HEATR5A: variants seen among roughly 807,000 people sequenced by gnomAD.
HEATR5A encodes HEAT repeat-containing protein 5A.
A neutral mutation model predicts 218.8 loss-of-function variants in HEATR5A; 178 were observed. The ratio of observed to expected loss-of-function variants is 0.81; its 90% CI spans 0.72 to 0.92. The LOEUF is 0.92. HEATR5A is among the 40% of genes least tolerant of loss of function. The pLI is 0.00. For missense variants in HEATR5A, 2,420 were observed against 2,418.9 expected, an observed-to-expected ratio of 1.00 and a Z score of -0.01; for synonymous variants, 864 against 871.6, an observed-to-expected ratio of 0.99 and a Z score of 0.15.
chr14:31,353,839 G>A (rs1266927771), intron 16 of HEATR5A, among the ~76,000 whole-genome samples: 1 of 151,266 alleles, frequency 6.6e-6, no homozygotes, highest in Non-Finnish European at 1.5e-5. Flanking sequence ...TCGCTCTGTC[G>A]CCCAGGCTGG....
At chr14:31,386,725 G>C in intron 8 of HEATR5A, 150 bp from the exon 9 acceptor site, 1 of 645,924 alleles carries the variant, frequency 1.5e-6, no homozygotes, top group East Asian at 2.8e-5. Flanking sequence ...ATGCTTAAAT[G>C]GGGACTTGCA....
At chr14:31,355,427 C>CA (rs1036817845) in intron 16 of HEATR5A, among the ~76,000 whole-genome samples, 2 of 151,618 alleles carry the variant, frequency 1.3e-5, no homozygotes, top group Admixed American at 1.3e-4. Flanking sequence ...CAAAACAAAA[C>CA]AAAAAATAAA....
chr14:31,353,689 T>C (rs1901311630), intron 16 of HEATR5A, among the ~76,000 whole-genome samples: 1 of 151,906 alleles, frequency 6.6e-6, no homozygotes, highest in East Asian at 1.9e-4. Flanking sequence ...TGAGGCAAAA[T>C]AGCACCACTG....
intron 22 of HEATR5A, among the ~76,000 whole-genome samples, chr14:31,328,247 G>C (rs1486346032): frequency 1.3e-5 from 2 of 152,192 alleles, no homozygotes; most frequent in African/African-American, 4.8e-5. Flanking sequence ...CACTGTGCCT[G>C]GCCTTTGTGG....
At chr14:31,360,842 T>C (rs1436427819) in intron 14 of HEATR5A, among the ~76,000 whole-genome samples, 3 of 151,956 alleles carry the variant, frequency 2.0e-5, no homozygotes, top group Non-Finnish European at 4.4e-5. Context: ...AAGCTTACTT[T>C]TTTTTTTTTA....
intron 27 of HEATR5A, among the ~76,000 whole-genome samples, chr14:31,314,547 G>T (rs2031437): frequency 6.6e-6 from 1 of 151,848 alleles, no homozygotes; most frequent in Admixed American, 6.6e-5. Flanking sequence ...GTGAGCTACC[G>T]TGCCGGCCTA....
At chr14:31,351,491 T>C (rs1901226106) in intron 16 of HEATR5A, among the ~76,000 whole-genome samples, 1 of 140,034 alleles carries the variant, frequency 7.1e-6, no homozygotes, top group African/African-American at 2.7e-5. Flanking sequence ...AGATCCTGTC[T>C]CAGAGAAAGA....
intron 22 of HEATR5A, among the ~76,000 whole-genome samples, chr14:31,334,113 T>C (rs186348184): frequency 9.5e-4 from 143 of 149,982 alleles, no homozygotes; most frequent in Middle Eastern, 3.4e-3. Flanking sequence ...CTGGGTTTAC[T>C]GAATATTTTA....
chr14:31,293,802 T>C (rs1899092360), intron 35 of HEATR5A, 89 bp downstream of exon 35: 5 of 1,146,922 alleles, frequency 4.4e-6, no homozygotes, highest in Non-Finnish European at 6.3e-6. Context: ...GAAATACAGA[T>C]ATAATGTGAC....
chr14:31,314,882 T>C (rs1899866700), intron 27 of HEATR5A, among the ~76,000 whole-genome samples: 1 of 152,156 alleles, frequency 6.6e-6, no homozygotes. Flanking sequence ...TAAAATGGTA[T>C]GTGAACTGGG....
chr14:31,297,867 AG>A (rs1351219557), intron 33 of HEATR5A: 1 of 152,182 alleles, frequency 6.6e-6, no homozygotes, highest in East Asian at 1.9e-4. Flanking sequence ...TTGATTACAG[AG>A]AGTGTACTGT....
intron 3 of HEATR5A, 47 bp downstream of exon 3, chr14:31,400,254 C>T (rs1368523714): frequency 7.9e-7 from 1 of 1,269,690 alleles, no homozygotes; most frequent in Admixed American, 2.0e-5. Flanking sequence ...AAAAATACAA[C>T]AGGAAGCAAT....
chr14:31,403,098 G>T, intron 1 of HEATR5A, 49 bp from the exon 2 acceptor site: 1 of 846,444 alleles, frequency 1.2e-6, no homozygotes, highest in Non-Finnish European at 1.7e-6. Context: ...AAAAAGGAAG[G>T]CAATCATAAC....
chr14:31,388,980 T>A lies in HEATR5A; in HGVS notation c.798A>T (p.Arg266Ser). The change falls in exon 7 of 36, where the codon AGA becomes AGT. Residue 266 changes from arginine (R) to serine (S), a missense_variant. Physicochemically the swap from Arg to Ser is moderately radical, Grantham distance 110. Coordinates refer to ENST00000543095, the MANE Select transcript of HEATR5A (RefSeq NM_015473.4). ...ATTCCAGAACTTCCTCCAAAGATAC[T>A]CTGCGAATGCTTTGACGTGAGGCTG... ...GTAASRQSIRRVSLEEVLELL... is the reference protein window; with the variant it reads ...GTAASRQSIRSVSLEEVLELL... 2 of 1,613,116 alleles carry A rather than the reference T, an allele frequency of 1.2e-6. No homozygotes were observed. The highest frequency in any genetic ancestry group is 2.2e-5 in the South Asian group (2 of 91,004).
At chr14:31,374,648 T>TA (rs1347023788) in intron 12 of HEATR5A, among the ~76,000 whole-genome samples, 168 bp downstream of exon 12, 1 of 152,164 alleles carries the variant, frequency 6.6e-6, no homozygotes, top group African/African-American at 2.4e-5. Flanking sequence ...ATACACCAGT[T>TA]ATCATTACCA....
intron 23 of HEATR5A, chr14:31,325,804 C>T (rs1208071667): frequency 9.4e-6 from 2 of 211,718 alleles, no homozygotes; most frequent in Non-Finnish European, 1.9e-5. Context: ...GGGTAAGCCA[C>T]CACACCTGGT....
chr14:31,317,700 T>C (rs1899958155), intron 26 of HEATR5A, among the ~76,000 whole-genome samples: 1 of 152,218 alleles, frequency 6.6e-6, no homozygotes, highest in South Asian at 2.1e-4. Flanking sequence ...TCAATCTCAC[T>C]TGAAATACAA....
At chr14:31,416,992 A>C (rs2031472981) in intron 1 of HEATR5A, among the ~76,000 whole-genome samples, 1 of 152,146 alleles carries the variant, frequency 6.6e-6, no homozygotes, top group African/African-American at 2.4e-5. Context: ...TGTCCCTGCT[A>C]CTCAGAGGCT....
At chr14:31,390,918 C>T (rs1288129822) in intron 6 of HEATR5A, among the ~76,000 whole-genome samples, 1 of 152,052 alleles carries the variant, frequency 6.6e-6, no homozygotes, top group Non-Finnish European at 1.5e-5. Context: ...AACAAGGCAT[C>T]GCTATTACAG....
Sources: allele counts gnomAD v4.1 joint callset (sites outside exome capture counted in the v4.1 genomes callset), GRCh38; gene constraint gnomAD v4.1.1; transcripts MANE v1.5; gene names NCBI Gene and HGNC (gene_info 2026-07-23, HGNC 2026-07-21).